The following STAM2 variants were observed in gnomAD, a reference collection of about 807,000 sequenced individuals.
STAM2 encodes signal transducing adapter molecule 2.
Under a neutral mutation model 65.6 loss-of-function variants are expected in STAM2, and 51 were observed. The observed-to-expected ratio is 0.78, with a 90% CI of 0.62 to 0.98. The LOEUF (loss-of-function observed/expected upper bound fraction) is 0.98. STAM2 is among the 50% of genes least tolerant of loss of function. The probability of loss-of-function intolerance (pLI) is 0.00; values close to 1 mark genes in which losing one functional copy is unlikely to be tolerated. For missense variants in STAM2, 584 were observed against 617.8 expected, an observed-to-expected ratio of 0.95 and a Z score of 0.58; for synonymous variants, 198 against 208.4, an observed-to-expected ratio of 0.95 and a Z score of 0.43.
intron 4 of STAM2, 96 bp from the exon 5 acceptor site, chr2:152,147,404 T>A: frequency 8.3e-7 from 1 of 1,206,152 alleles, no homozygotes; most frequent in Non-Finnish European, 1.1e-6. Context: ...AAATTCTCTT[T>A]AATTATATGA....
chr2:152,137,655 C>T (rs546693461), intron 7 of STAM2, among the ~76,000 whole-genome samples: 44 of 152,134 alleles, frequency 2.9e-4, no homozygotes, highest in African/African-American at 1.0e-3. Flanking sequence ...TCTTTCATGG[C>T]TTATGCTTTT....
Position 152,150,172 on chromosome 2 carries a change from C to A in STAM2, c.98G>T (p.Cys33Phe). ...ATTAGGAGTACTTCCAACTTTGTCA[C>A]ATATGTCCATAATAAGACTCCAATC... ...TEDWSLIMDI[C>F]DKVGSTPNGA... The change falls in exon 2 of 14, where the codon TGT (cysteine) becomes TTT (phenylalanine). Residue 33 changes from cysteine (C) to phenylalanine (F), a missense_variant. Cys to Phe is a radical substitution (Grantham distance 205). Transcript: ENST00000263904. The A allele has an allele frequency of 6.2e-7, 1 of 1,613,518 alleles. No homozygotes were observed. Among genetic ancestry groups the A allele is most frequent in the Non-Finnish European group, 8.5e-7 (1 of 1,179,592 alleles).
At chr2:152,169,804 GAC>G (rs1398748661) in intron 1 of STAM2, among the ~76,000 whole-genome samples, 26 of 151,466 alleles carry the variant, frequency 1.7e-4, no homozygotes, top group African/African-American at 6.1e-4. Flanking sequence ...TTTCACTGCT[GAC>G]AGGAGGGAAA....
At chr2:152,175,503 G>A in intron 1 of STAM2, 100 bp downstream of exon 1, 1 of 1,493,970 alleles carries the variant, frequency 6.7e-7, no homozygotes, top group Admixed American at 1.8e-5. Context: ...CCTTCGCTTT[G>A]CTTCCTAGTC....
In STAM2 at chr2:152,175,729, T is replaced by G. The variant is rs1690009175; in HGVS notation, c.-87A>C. On this transcript the variant is annotated 5_prime_UTR_variant, in exon 1 of 14. Transcript: ENST00000263904. ...CGGGTGACCCGCGGCCGCGGCTCCC[T>G]AGACCGCTCCGCTTCGGCCTCCGTC... The G allele has an allele frequency of 7.0e-7, 1 of 1,432,306 alleles. No homozygotes were observed. The highest frequency in any genetic ancestry group is 9.6e-7 in the Non-Finnish European group (1 of 1,043,066). The allele number at this position is 1,432,306 out of a possible 1,614,324, so 88.7% of individuals were successfully genotyped here.
At chr2:152,173,049 G>C (rs1429551114) in intron 1 of STAM2, among the ~76,000 whole-genome samples, 1 of 151,670 alleles carries the variant, frequency 6.6e-6, no homozygotes, top group African/African-American at 2.4e-5. Flanking sequence ...CTAAATTACA[G>C]GTCTTATGTC....
intron 1 of STAM2, among the ~76,000 whole-genome samples, chr2:152,171,640 C>T (rs1689900645): frequency 6.6e-6 from 1 of 152,206 alleles, no homozygotes; most frequent in African/African-American, 2.4e-5. Context: ...TCTTCTAACA[C>T]AGCAAAAGTC....
chr2:152,146,928 A>C (rs895501155), intron 5 of STAM2, among the ~76,000 whole-genome samples: 5 of 152,226 alleles, frequency 3.3e-5, no homozygotes, highest in African/African-American at 1.2e-4. Flanking sequence ...CTGTAGACTT[A>C]GAGGAACATT....
At chr2:152,125,139 T>C (rs1688942563) in intron 12 of STAM2, among the ~76,000 whole-genome samples, 1 of 152,190 alleles carries the variant, frequency 6.6e-6, no homozygotes, top group Admixed American at 6.5e-5. Flanking sequence ...TATCATACAA[T>C]GATGCAGACA....
At chr2:152,148,346 A>C (rs1002668628) in intron 2 of STAM2, 46 bp from the exon 3 acceptor site, 2 of 1,404,122 alleles carry the variant, frequency 1.4e-6, no homozygotes, top group African/African-American at 1.4e-5. Context: ...TTTACTGATA[A>C]ATTTAATTCA....
chr2:152,137,842 T>C (rs538523427), intron 7 of STAM2, among the ~76,000 whole-genome samples: 1 of 152,310 alleles, frequency 6.6e-6, no homozygotes, highest in Admixed American at 6.5e-5. Context: ...AAAGAGCCAT[T>C]CATCACAGCA....
At chr2:152,139,467 G>A (rs1689207621) in intron 7 of STAM2, among the ~76,000 whole-genome samples, 2 of 152,172 alleles carry the variant, frequency 1.3e-5, no homozygotes, top group African/African-American at 4.8e-5. Context: ...TGAGGGAGGA[G>A]GCCTGCTTGA....
At chr2:152,133,631 G>A (rs1579315556) in intron 8 of STAM2, 147 bp from the exon 9 acceptor site, 11 of 613,080 alleles carry the variant, frequency 1.8e-5, no homozygotes, top group East Asian at 1.4e-4. Flanking sequence ...TATTACATAC[G>A]TTTATTACAT....
Position 152,126,235 on chromosome 2 carries a change from A to C in STAM2, c.1170T>G (p.Val390=), listed in dbSNP as rs142755157. 3 of 1,588,700 alleles carry C rather than the reference A, an allele frequency of 1.9e-6. No individual in the cohort carries two copies. The highest frequency in any genetic ancestry group is 1.4e-5 in the African/African-American group (1 of 73,730). The stretch of plus-strand genomic sequence containing the variant: ...CAAAAAACATGCTCACCTGCATTGG[A>C]ACCCCAGATGATGCAGGTGGGTAAT... ...PAHYPPASSG[V]PMQTYPVQSH... is the part of the protein sequence containing the mutation. Residue 390 remains valine (V), a synonymous_variant, in exon 12 of 14, where the codon GTT becomes GTG. Coordinates refer to ENST00000263904, the MANE Select transcript of STAM2 (RefSeq NM_005843.6).
chr2:152,119,821 A>T lies in STAM2; in HGVS notation c.*753T>A, dbSNP rs1178585007. The T allele has an allele frequency of 6.6e-6, 1 of 152,210 alleles. No individual in the cohort carries two copies. Among genetic ancestry groups the T allele is most frequent in the African/African-American group, 2.4e-5 (1 of 41,460 alleles). The allele number at this position is 152,210 out of a possible 1,614,324, so 9.4% of individuals were successfully genotyped here. On this transcript the variant is annotated 3_prime_UTR_variant, in exon 14 of 14. Coordinates refer to ENST00000263904, the MANE Select transcript of STAM2 (RefSeq NM_005843.6). Reference sequence around the variant, plus strand: ...GTTGGCATGACTGTTTGGGGGACTGACTAAATGCTTTATCACACATCTGCA... The same window carrying T: ...GTTGGCATGACTGTTTGGGGGACTGTCTAAATGCTTTATCACACATCTGCA...
At chr2:152,165,318 C>A (rs1440248060) in intron 1 of STAM2, among the ~76,000 whole-genome samples, 1 of 151,948 alleles carries the variant, frequency 6.6e-6, no homozygotes, top group African/African-American at 2.4e-5. Context: ...GTAGTCCCAA[C>A]TCCTCAGGAG....
chr2:152,140,140 AGAG>A (rs998775326), intron 7 of STAM2, among the ~76,000 whole-genome samples: 65 of 152,350 alleles, frequency 4.3e-4, no homozygotes, highest in African/African-American at 1.4e-3. Flanking sequence ...AGCTCAAAGA[AGAG>A]AACTCTTAAC....
At chr2:152,168,685 AT>A (rs1689842587) in intron 1 of STAM2, among the ~76,000 whole-genome samples, 1 of 152,254 alleles carries the variant, frequency 6.6e-6, no homozygotes. Context: ...TGAAACAAAA[AT>A]AAAATTATAA....
intron 1 of STAM2, among the ~76,000 whole-genome samples, chr2:152,173,315 A>C (rs1689931933): frequency 6.9e-6 from 1 of 144,964 alleles, no homozygotes; most frequent in Non-Finnish European, 1.5e-5. Context: ...CAAGTCAAAT[A>C]ATGACTTGCT....
Sources: allele counts gnomAD v4.1 joint callset (sites outside exome capture counted in the v4.1 genomes callset), GRCh38; gene constraint gnomAD v4.1.1; transcripts MANE v1.5; gene names NCBI Gene and HGNC (gene_info 2026-07-23, HGNC 2026-07-21).